The following SH3RF1 variants were observed in gnomAD, a reference collection of about 807,000 sequenced individuals.
SH3RF1 encodes the protein E3 ubiquitin-protein ligase SH3RF1.
In SH3RF1, 32 loss-of-function variants were observed where a neutral mutation model predicts 74.0. That is an observed-to-expected ratio of 0.43 (90% CI 0.33 to 0.58). The LOEUF (loss-of-function observed/expected upper bound fraction) is 0.58, where lower values mean the gene tolerates loss of function less well. SH3RF1 is among the 20% of genes least tolerant of loss of function. The probability of loss-of-function intolerance (pLI) is 0.05; values close to 1 mark genes in which losing one functional copy is unlikely to be tolerated. For synonymous variants in SH3RF1, 396 were observed against 439.6 expected, an observed-to-expected ratio of 0.90 and a Z score of 1.24; for missense variants, 954 against 1,130.9, an observed-to-expected ratio of 0.84 and a Z score of 2.24.
At chr4:169,211,414 G>A (rs569877356) in intron 2 of SH3RF1, among the ~76,000 whole-genome samples, 5 of 151,400 alleles carry the variant, frequency 3.3e-5, no homozygotes, top group East Asian at 3.9e-4. Flanking sequence ...CCCGGGAGGC[G>A]GAGCTTGTAG....
intron 2 of SH3RF1, among the ~76,000 whole-genome samples, chr4:169,208,696 T>A (rs1438510381): frequency 6.6e-6 from 1 of 151,992 alleles, no homozygotes; most frequent in Non-Finnish European, 1.5e-5. Flanking sequence ...TGCATCAGGC[T>A]TGGCATCAAA....
At chr4:169,216,176 T>C (rs957430547) in intron 2 of SH3RF1, among the ~76,000 whole-genome samples, 2 of 152,128 alleles carry the variant, frequency 1.3e-5, no homozygotes, top group South Asian at 2.1e-4. Flanking sequence ...GCAGGCAAAA[T>C]ATTACTATTG....
At chr4:169,152,857 AT>A (rs765225599) in intron 4 of SH3RF1, among the ~76,000 whole-genome samples, 2 of 152,342 alleles carry the variant, frequency 1.3e-5, no homozygotes, top group Non-Finnish European at 2.9e-5. Context: ...GAAGAAAAGG[AT>A]AGTTGAGGAC....
At position 169,252,763 on chromosome 4, in the gene SH3RF1, A is replaced by C. The variant is rs184353079; in HGVS notation, c.393+16057T>G. On this transcript the variant is annotated intron_variant, in intron 2 of 11. Coordinates refer to ENST00000284637, the MANE Select transcript of SH3RF1 (RefSeq NM_020870.4). ...ATGGACTGACGTATTCATAAGCAAAACACAGGCTCTTTTTTCATACATTCT... is the reference window on the plus strand; with the variant it reads ...ATGGACTGACGTATTCATAAGCAAACCACAGGCTCTTTTTTCATACATTCT... Among the ~76,000 whole-genome samples the C allele has an allele frequency of 4.6e-5, 7 of 152,366 alleles. No homozygotes were observed. In the East Asian group the frequency reaches 1.3e-3, roughly 29 times the overall value.
intron 2 of SH3RF1, among the ~76,000 whole-genome samples, chr4:169,244,431 T>C (rs1457448741): frequency 6.6e-6 from 1 of 151,980 alleles, no homozygotes; most frequent in East Asian, 1.9e-4. Flanking sequence ...TTTAAGCCAC[T>C]GCACAGATGA....
At chr4:169,222,957 T>G (rs906155404) in intron 2 of SH3RF1, among the ~76,000 whole-genome samples, 7 of 152,154 alleles carry the variant, frequency 4.6e-5, no homozygotes, top group Non-Finnish European at 1.0e-4. Context: ...CTCGCATGGA[T>G]TTTTATGAGG....
At chr4:169,144,367 C>T (rs552826432) in intron 4 of SH3RF1, among the ~76,000 whole-genome samples, 2 of 152,232 alleles carry the variant, frequency 1.3e-5, no homozygotes, top group African/African-American at 2.4e-5. Context: ...ACAAAAATAT[C>T]CCATTCAAAA....
chr4:169,207,922 G>C (rs1410835452), intron 2 of SH3RF1, among the ~76,000 whole-genome samples: 1 of 152,054 alleles, frequency 6.6e-6, no homozygotes, highest in Non-Finnish European at 1.5e-5. Flanking sequence ...TGACACCATG[G>C]GGGGTGTCAG....
intron 2 of SH3RF1, among the ~76,000 whole-genome samples, chr4:169,188,252 G>T (rs1734642487): frequency 6.6e-6 from 1 of 152,194 alleles, no homozygotes; most frequent in Admixed American, 6.5e-5. Flanking sequence ...CAAAAGGCAT[G>T]ATTGGTGAAA....
At chr4:169,145,578 A>T (rs1733862208) in intron 4 of SH3RF1, among the ~76,000 whole-genome samples, 1 of 147,818 alleles carries the variant, frequency 6.8e-6, no homozygotes, top group Admixed American at 6.8e-5. Context: ...TATATATATT[A>T]TATATCATAT....
chr4:169,134,466 T>C (rs919081736), intron 5 of SH3RF1, among the ~76,000 whole-genome samples: 12 of 152,226 alleles, frequency 7.9e-5, no homozygotes, highest in African/African-American at 2.7e-4. Context: ...TTAAAGCTAT[T>C]CCCATTCTGA....
At chr4:169,264,948 C>T (rs1285972359) in intron 2 of SH3RF1, among the ~76,000 whole-genome samples, 1 of 152,166 alleles carries the variant, frequency 6.6e-6, no homozygotes, top group Admixed American at 6.5e-5. Flanking sequence ...GCCCCCATTC[C>T]CTAATTAATA....
At chr4:169,123,174 G>A (rs867676141) in intron 6 of SH3RF1, among the ~76,000 whole-genome samples, 1 of 152,180 alleles carries the variant, frequency 6.6e-6, no homozygotes, top group African/African-American at 2.4e-5. Flanking sequence ...GCTTCTATAT[G>A]TCAGCATATT....
intron 3 of SH3RF1, among the ~76,000 whole-genome samples, 189 bp from the exon 4 acceptor site, chr4:169,155,764 G>A (rs1194741238): frequency 6.6e-6 from 1 of 152,174 alleles, no homozygotes; most frequent in South Asian, 2.1e-4. Flanking sequence ...CCCACCTGGT[G>A]TCCTTTCCAA....
intron 2 of SH3RF1, among the ~76,000 whole-genome samples, chr4:169,218,473 T>C (rs1349436284): frequency 4.1e-5 from 6 of 145,008 alleles, no homozygotes. Context: ...ATAATATAAA[T>C]ATATTATATA....
intron 2 of SH3RF1, among the ~76,000 whole-genome samples, chr4:169,224,537 C>T (rs1412281809): frequency 2.0e-5 from 3 of 152,130 alleles, no homozygotes; most frequent in African/African-American, 7.2e-5. Context: ...AGGCTGGTCT[C>T]GAACTCCTGA....
chr4:169,219,143 C>T (rs868637918), intron 2 of SH3RF1, among the ~76,000 whole-genome samples: 3 of 152,060 alleles, frequency 2.0e-5, no homozygotes, highest in Non-Finnish European at 2.9e-5. Context: ...AGCTGATAGA[C>T]GCAAGCATAA....
intron 11 of SH3RF1, among the ~76,000 whole-genome samples, chr4:169,101,688 A>T (rs2126934984): frequency 6.6e-6 from 1 of 152,002 alleles, no homozygotes; most frequent in South Asian, 2.1e-4. Context: ...AAAAAAAAAA[A>T]AAGAAAGGAA....
intron 2 of SH3RF1, among the ~76,000 whole-genome samples, chr4:169,262,636 C>T (rs1328568706): frequency 6.6e-6 from 1 of 152,080 alleles, no homozygotes; most frequent in East Asian, 1.9e-4. Flanking sequence ...CATCGCCCTC[C>T]AGCCTGGGTG....
Sources: gnomAD v4.1 joint callset for allele counts (sites outside exome capture counted in the v4.1 genomes callset) on GRCh38, gnomAD v4.1.1 for gene constraint, MANE v1.5 for transcripts, NCBI Gene and HGNC (gene_info 2026-07-23, HGNC 2026-07-21) for gene names.